PHACTR1: variants seen among roughly 807,000 people sequenced by gnomAD.
PHACTR1 encodes the protein phosphatase and actin regulator 1, also known as RPEL repeat containing 1.
PHACTR1 carries 16 observed loss-of-function variants against 69.2 expected under a neutral mutation model. That is an observed-to-expected ratio of 0.23 (90% CI 0.16 to 0.35). The LOEUF (loss-of-function observed/expected upper bound fraction) is 0.35. Ranked by LOEUF, PHACTR1 falls within the 10% of genes least tolerant of loss-of-function variation. PHACTR1 has a pLI of 1.00. For missense variants in PHACTR1, 510 were observed against 734.7 expected, an observed-to-expected ratio of 0.69 and a Z score of 3.54; for synonymous variants, 312 against 284.5, an observed-to-expected ratio of 1.10 and a Z score of -0.97.
intron 4 of PHACTR1, among the ~76,000 whole-genome samples, chr6:12,955,042 C>A (rs993346720): frequency 3.9e-5 from 6 of 152,038 alleles, no homozygotes; most frequent in Admixed American, 1.3e-4. Context: ...CATAATATTT[C>A]ATTAATTTTT....
chr6:13,195,757 CAAAAAAAAA>C lies in PHACTR1; in HGVS notation c.665-10043_665-10035del, dbSNP rs869092852. ...TGGGCGACAGAGAGAGACACCGTCT[CAAAAAAAAA>C]AAAAAAAAAAAAAAGTTCATTTGTG... On this transcript the variant is annotated intron_variant, in intron 7 of 14. Transcript: ENST00000332995. 5.3e-3 allele frequency among the ~76,000 whole-genome samples: 219 copies of C among 41,502 alleles called. 10 individuals are homozygous for C. Among genetic ancestry groups the C allele is most frequent in the African/African-American group, 0.017 (202 of 11,602 alleles). 27.2% of individuals were successfully genotyped at this position (41,502 alleles called of 152,430 possible). A position where few individuals can be genotyped will look rare whatever the true frequency, so the allele number is the denominator to read the frequency against.
At chr6:12,997,128 T>C (rs1797511878) in intron 4 of PHACTR1, among the ~76,000 whole-genome samples, 1 of 151,712 alleles carries the variant, frequency 6.6e-6, no homozygotes, top group Admixed American at 6.6e-5. Context: ...TCACCCGCCA[T>C]TGCACTCTAG....
intron 4 of PHACTR1, among the ~76,000 whole-genome samples, chr6:12,768,356 C>T (rs1262819761): frequency 3.3e-5 from 5 of 152,222 alleles, no homozygotes; most frequent in African/African-American, 7.2e-5. Context: ...CCTCGTGATC[C>T]GCCCTCCTCG....
chr6:12,757,653 G>C (rs1357121096), intron 4 of PHACTR1, among the ~76,000 whole-genome samples: 2 of 152,146 alleles, frequency 1.3e-5, no homozygotes, highest in African/African-American at 4.8e-5. Context: ...ATGATGGATT[G>C]AATGTAGGTT....
intron 8 of PHACTR1, among the ~76,000 whole-genome samples, chr6:13,216,694 A>G (rs947770031): frequency 1.3e-5 from 2 of 152,132 alleles, no homozygotes; most frequent in Non-Finnish European, 2.9e-5. Context: ...TTTAAAGCCT[A>G]TATTTATCAT....
chr6:12,739,566 G>A (rs1293614871), intron 3 of PHACTR1, among the ~76,000 whole-genome samples: 2 of 151,924 alleles, frequency 1.3e-5, no homozygotes, highest in South Asian at 2.1e-4. Context: ...TTGAGACAGG[G>A]TCTCACTCTG....
intron 5 of PHACTR1, among the ~76,000 whole-genome samples, chr6:13,080,793 A>G (rs1421384895): frequency 6.6e-6 from 1 of 152,188 alleles, no homozygotes; most frequent in Middle Eastern, 3.2e-3. Context: ...TGTGTTAGGA[A>G]TTAAGTACTA....
intron 5 of PHACTR1, among the ~76,000 whole-genome samples, chr6:13,098,259 A>G (rs1437978673): frequency 1.3e-5 from 2 of 152,146 alleles, no homozygotes; most frequent in African/African-American, 2.4e-5. Flanking sequence ...TTAGCATCCC[A>G]AGAATATTTA....
At chr6:13,039,060 G>A (rs546326833) in intron 4 of PHACTR1, among the ~76,000 whole-genome samples, 1 of 152,286 alleles carries the variant, frequency 6.6e-6, no homozygotes, top group Admixed American at 6.5e-5. Flanking sequence ...AGGAGGCTGG[G>A]AAACATTCTT....
At chr6:12,979,945 A>G (rs1181036907) in intron 4 of PHACTR1, among the ~76,000 whole-genome samples, 1 of 152,192 alleles carries the variant, frequency 6.6e-6, no homozygotes, top group East Asian at 1.9e-4. Flanking sequence ...TGGCTCTCCA[A>G]AATGTTCTTT....
chr6:12,943,489 TA>T, intron 4 of PHACTR1, among the ~76,000 whole-genome samples: 1 of 152,228 alleles, frequency 6.6e-6, no homozygotes, highest in Non-Finnish European at 1.5e-5. Flanking sequence ...TTCTACACCT[TA>T]AAATGGTTAC....
In PHACTR1 at chr6:12,892,185, G is replaced by A. The variant is rs1784227103; in HGVS notation, c.250+142395G>A. ...GATACCCAATGATATGAGACAGCAA[G>A]CAGTTTCACTCAGTTTGAATTTTCT... On this transcript the variant is annotated intron_variant, in intron 4 of 14. Transcript: ENST00000332995. Among the ~76,000 whole-genome samples the A allele has an allele frequency of 2.0e-5, 3 of 150,930 alleles. No individual in the cohort carries two copies. The South Asian group carries it at 6.3e-4, about 31-fold the overall frequency.
chr6:13,065,064 G>A (rs1002263600), intron 5 of PHACTR1, among the ~76,000 whole-genome samples: 4 of 151,912 alleles, frequency 2.6e-5, no homozygotes, highest in African/African-American at 9.7e-5. Context: ...AGATTTGTGA[G>A]GGGAAAAGAT....
At chr6:12,974,172 C>T (rs920867494) in intron 4 of PHACTR1, among the ~76,000 whole-genome samples, 2 of 152,076 alleles carry the variant, frequency 1.3e-5, no homozygotes, top group Admixed American at 6.6e-5. Flanking sequence ...CACCCACCTC[C>T]GCCTTGCAAA....
chr6:12,957,444 A>G, intron 4 of PHACTR1: 1 of 985,336 alleles, frequency 1.0e-6, no homozygotes, highest in Non-Finnish European at 1.2e-6. Flanking sequence ...TTCATTTTGA[A>G]ATGTTCCCTG....
At chr6:12,738,657 G>T (rs1764633230) in intron 3 of PHACTR1, among the ~76,000 whole-genome samples, 2 of 152,142 alleles carry the variant, frequency 1.3e-5, no homozygotes, top group South Asian at 4.1e-4. Context: ...GAGGTCAGGA[G>T]TTGGAGACCA....
intron 4 of PHACTR1, among the ~76,000 whole-genome samples, chr6:13,017,992 A>G (rs1455784517): frequency 6.6e-6 from 1 of 152,228 alleles, no homozygotes; most frequent in African/African-American, 2.4e-5. Flanking sequence ...ACATTTATAT[A>G]GAAATTTACT....
chr6:12,840,884 G>A (rs1456944833), intron 4 of PHACTR1, among the ~76,000 whole-genome samples: 2 of 152,166 alleles, frequency 1.3e-5, no homozygotes, highest in East Asian at 3.8e-4. Context: ...TTGTTGCATT[G>A]AGCTGATAAG....
At chr6:13,274,669 T>G (rs1778514209) in intron 11 of PHACTR1, 1 of 152,236 alleles carries the variant, frequency 6.6e-6, no homozygotes, top group South Asian at 2.1e-4. Flanking sequence ...CTCTGGGCTC[T>G]CTCAAAGATA....
Sources: gnomAD v4.1 joint callset for allele counts (sites outside exome capture counted in the v4.1 genomes callset) on GRCh38, gnomAD v4.1.1 for gene constraint, MANE v1.5 for transcripts, NCBI Gene and HGNC (gene_info 2026-07-23, HGNC 2026-07-21) for gene names.